The following CUX2 variants were observed in gnomAD, a reference collection of about 807,000 sequenced individuals.
CUX2 encodes cut like homeobox 2.
CUX2 carries 40 observed loss-of-function variants against 144.8 expected under a neutral mutation model. The observed-to-expected ratio is 0.28, with a 90% CI of 0.21 to 0.36. The LOEUF (loss-of-function observed/expected upper bound fraction) is 0.36, where lower values mean the gene tolerates loss of function less well. Among genes scored for constraint, CUX2 ranks in the 10% least tolerant of loss-of-function variants. The pLI is 1.00. For synonymous variants in CUX2, 827 were observed against 875.6 expected, an observed-to-expected ratio of 0.94 and a Z score of 0.98; for missense variants, 1,615 against 1,994.0, an observed-to-expected ratio of 0.81 and a Z score of 3.62.
At chr12:111,222,144 G>A (rs918643028) in intron 3 of CUX2, among the ~76,000 whole-genome samples, 7 of 152,158 alleles carry the variant, frequency 4.6e-5, no homozygotes, top group African/African-American at 1.7e-4. Flanking sequence ...AGCAGTTCTC[G>A]CAGTTACATA....
At chr12:111,134,508 C>G (rs1875709434) in intron 1 of CUX2, among the ~76,000 whole-genome samples, 2 of 152,012 alleles carry the variant, frequency 1.3e-5, no homozygotes, top group African/African-American at 4.8e-5. Flanking sequence ...GAATACTCAT[C>G]CTTAAAATTC....
At chr12:111,245,875 C>T (rs1045625688) in intron 3 of CUX2, among the ~76,000 whole-genome samples, 2 of 152,008 alleles carry the variant, frequency 1.3e-5, no homozygotes, top group Non-Finnish European at 2.9e-5. Context: ...CAGTTACCCA[C>T]GGGGGCCTGG....
intron 18 of CUX2, 128 bp from the exon 19 acceptor site, chr12:111,334,313 C>T (rs1044516255): frequency 3.1e-6 from 3 of 960,758 alleles, no homozygotes; most frequent in Admixed American, 3.0e-5. Flanking sequence ...CCTACCTGAG[C>T]GATTATTACT....
intron 1 of CUX2, among the ~76,000 whole-genome samples, chr12:111,106,733 A>G (rs988814362): frequency 6.6e-6 from 1 of 152,226 alleles, no homozygotes; most frequent in Non-Finnish European, 1.5e-5. Flanking sequence ...TTCCAACAAC[A>G]TGTGACAGAA....
intron 1 of CUX2, among the ~76,000 whole-genome samples, chr12:111,142,912 T>C (rs1029276675): frequency 6.6e-6 from 1 of 152,142 alleles, no homozygotes; most frequent in Non-Finnish European, 1.5e-5. Context: ...AGGGCTGGCA[T>C]TGCCCAATCA....
chr12:111,306,132 G>C (rs542631583), intron 10 of CUX2, among the ~76,000 whole-genome samples: 1 of 152,120 alleles, frequency 6.6e-6, no homozygotes, highest in Non-Finnish European at 1.5e-5. Context: ...ATTAACCCCC[G>C]TGGAACCCGG....
chr12:111,220,961 A>G (rs34307655), intron 3 of CUX2, among the ~76,000 whole-genome samples: 28 of 143,556 alleles, frequency 2.0e-4, no homozygotes, highest in Non-Finnish European at 3.5e-4. Flanking sequence ...AAAAAAAAAA[A>G]GGAAAAAGGA....
chr12:111,116,798 T>A (rs1874331547), intron 1 of CUX2, among the ~76,000 whole-genome samples: 1 of 152,218 alleles, frequency 6.6e-6, no homozygotes, highest in African/African-American at 2.4e-5. Context: ...AATCTAACTT[T>A]ATCACAACCA....
chr12:111,213,183 A>T (rs987182046), intron 1 of CUX2, among the ~76,000 whole-genome samples: 2 of 152,242 alleles, frequency 1.3e-5, no homozygotes, highest in Non-Finnish European at 2.9e-5. Context: ...GATGATATAT[A>T]CAGAAATGCT....
At chr12:111,294,356 C>T (rs1471743160) in intron 6 of CUX2, among the ~76,000 whole-genome samples, 1 of 152,162 alleles carries the variant, frequency 6.6e-6, no homozygotes, top group Non-Finnish European at 1.5e-5. Context: ...GATCCTCCCG[C>T]CTTGGCCTCC....
rs756668509 is a variant in CUX2, at chr12:111,320,266, G to A, written c.2257G>A (p.Gly753Ser). The change falls in exon 17 of 22, where the codon GGC (glycine) becomes AGC (serine). Residue 753 changes from glycine to serine, a missense_variant. Coordinates refer to ENST00000261726, the MANE Select transcript of CUX2 (RefSeq NM_015267.4). This position sits in a 1 kb window ranked among gnomAD's most constrained non-coding sequence, Gnocchi z 8.1. ...GGTGAAGCAGGAGGAGGGCAGCGGG[G>A]GCCCCGCGCAGGCGCCGCTCCCGGT... ...ALVKQEEGSG[G>S]PAQAPLPVLS... 1.3e-6 allele frequency: 2 copies of A among 1,592,356 alleles called. No homozygotes were observed. The highest frequency in any genetic ancestry group is 8.5e-7 in the Non-Finnish European group (1 of 1,176,620).
chr12:111,153,902 C>T (rs1033502447), intron 1 of CUX2, among the ~76,000 whole-genome samples: 6 of 152,164 alleles, frequency 3.9e-5, no homozygotes, highest in Admixed American at 6.5e-5. Context: ...TCGGCAGCGG[C>T]GGTTTCTTCT....
intron 1 of CUX2, among the ~76,000 whole-genome samples, chr12:111,128,591 G>A (rs977942080): frequency 3.9e-5 from 6 of 152,132 alleles, no homozygotes; most frequent in Admixed American, 1.3e-4. Flanking sequence ...GGCTTGGAGG[G>A]TCAGATAACA....
At chr12:111,308,557 G>A in intron 14 of CUX2, 31 bp downstream of exon 14, 1 of 1,571,502 alleles carries the variant, frequency 6.4e-7, no homozygotes, top group Non-Finnish European at 8.7e-7. Context: ...GGGGCTGAGG[G>A]CTGGGGCGGG....
At chr12:111,334,955 C>T (rs551637803) in intron 19 of CUX2, among the ~76,000 whole-genome samples, 3 of 152,294 alleles carry the variant, frequency 2.0e-5, no homozygotes, top group Non-Finnish European at 4.4e-5. Context: ...AAACTTCACA[C>T]GTGTTGGTGC....
chr12:111,089,122 A>G (rs1592882302), intron 1 of CUX2, among the ~76,000 whole-genome samples: 1 of 152,350 alleles, frequency 6.6e-6, no homozygotes, highest in Non-Finnish European at 1.5e-5. Context: ...AGTTCTCCCT[A>G]GCTCCAGCAT....
intron 3 of CUX2, among the ~76,000 whole-genome samples, chr12:111,247,779 T>C (rs1306740805): frequency 6.6e-6 from 1 of 152,196 alleles, no homozygotes; most frequent in Non-Finnish European, 1.5e-5. Flanking sequence ...ACCCCTCATG[T>C]TCCCCCTAGA....
rs778591635 is a variant in CUX2 at position 111,320,535 on chromosome 12, G to A, written c.2526G>A (p.Ala842=). 5.9e-5 allele frequency: 91 copies of A among 1,553,676 alleles called. No individual in the cohort carries two copies. The African/African-American group carries it at 9.3e-4, about 16-fold the overall frequency. The change falls in exon 17 of 22, where the codon GCG becomes GCA. Residue 842 remains alanine (A), a synonymous_variant. Coordinates refer to ENST00000261726, the MANE Select transcript of CUX2 (RefSeq NM_015267.4). The surrounding 1 kb of genome is among the most constrained non-coding windows in gnomAD (Gnocchi z 8.1). ...CCGAGGACGAGGCGGCGGCAGGGGC[G>A]GAGGACGAACCCCCCAGGACGGGCG... ...VPPEDEAAAG[A]EDEPPRTGEL...
intron 8 of CUX2, 81 bp from the exon 9 acceptor site, chr12:111,298,460 C>A: frequency 6.9e-7 from 1 of 1,448,216 alleles, no homozygotes; most frequent in Non-Finnish European, 9.4e-7. Context: ...TGGGCTCAGG[C>A]AGGGGCTGGG....
Sources: gnomAD v4.1 joint callset for allele counts (sites outside exome capture counted in the v4.1 genomes callset) on GRCh38, gnomAD v4.1.1 for gene constraint, Gnocchi (gnomAD v3.1) non-coding constraint, MANE v1.5 for transcripts, NCBI Gene and HGNC (gene_info 2026-07-23, HGNC 2026-07-21) for gene names.